Variants in SEPTIN9 observed in about 807,000 individuals in gnomAD.
SEPTIN9 encodes the protein septin-9.
A neutral mutation model predicts 56.6 loss-of-function variants in SEPTIN9; 13 were observed. The ratio of observed to expected loss-of-function variants is 0.23; its 90% CI spans 0.15 to 0.37. The LOEUF (loss-of-function observed/expected upper bound fraction) is 0.37, where lower values mean the gene tolerates loss of function less well. Among genes scored for constraint, SEPTIN9 ranks in the 10% least tolerant of loss-of-function variants. SEPTIN9 has a pLI of 1.00. For synonymous variants in SEPTIN9, 332 were observed against 334.1 expected, an observed-to-expected ratio of 0.99 and a Z score of 0.07; for missense variants, 650 against 823.1, an observed-to-expected ratio of 0.79 and a Z score of 2.57.
At position 77,425,750 on chromosome 17, in the gene SEPTIN9, C is replaced by A. The variant is rs1037350531; in HGVS notation, c.721+23047C>A. 2.0e-5 allele frequency among the ~76,000 whole-genome samples: 3 copies of A among 149,876 alleles called. No individual in the cohort carries two copies. The highest frequency in any genetic ancestry group is 4.9e-5 in the African/African-American group (2 of 40,630). On this transcript the variant is annotated intron_variant, in intron 3 of 11. Coordinates refer to ENST00000427177, the MANE Select transcript of SEPTIN9 (RefSeq NM_001113491.2). The surrounding 1 kb of genome is among the most constrained non-coding windows in gnomAD (Gnocchi z 4.2). ...GAGGAAGCTGCCCCCCGCTCATCTACCCCCCAACCCTCCCAGCCAGCAGAG... is the reference window on the plus strand; with the variant it reads ...GAGGAAGCTGCCCCCCGCTCATCTAACCCCCAACCCTCCCAGCCAGCAGAG...
intron 3 of SEPTIN9, among the ~76,000 whole-genome samples, chr17:77,464,304 CT>C (rs1347824606): frequency 6.6e-6 from 1 of 152,162 alleles, no homozygotes; most frequent in East Asian, 1.9e-4. Flanking sequence ...TCTCGAACCC[CT>C]GACCTCAAAT....
chr17:77,300,773 GC>G (rs1346283921), intron 1 of SEPTIN9, among the ~76,000 whole-genome samples: 1 of 65,034 alleles, frequency 1.5e-5, no homozygotes, highest in Admixed American at 2.5e-4. Context: ...GGCTCAAAGC[GC>G]CCCCATCCCA....
intron 2 of SEPTIN9, among the ~76,000 whole-genome samples, chr17:77,390,708 C>T (rs530096396): frequency 6.6e-6 from 1 of 152,260 alleles, no homozygotes; most frequent in Admixed American, 6.5e-5. Flanking sequence ...GCCTCTGCCT[C>T]CCAAAGTGCT....
intron 4 of SEPTIN9, among the ~76,000 whole-genome samples, chr17:77,485,319 G>A (rs1400205767): frequency 1.6e-5 from 2 of 126,966 alleles, no homozygotes; most frequent in Non-Finnish European, 3.4e-5. Context: ...TAGTGGTGGT[G>A]ATAGTGATGG....
chr17:77,410,834 G>C (rs192630587), intron 3 of SEPTIN9, among the ~76,000 whole-genome samples: 3 of 152,100 alleles, frequency 2.0e-5, no homozygotes, highest in Admixed American at 6.6e-5. Context: ...GTGTCGCCCC[G>C]TGTCTCTCTC....
rs1161914513 is a variant in SEPTIN9 at position 77,313,719 on chromosome 17, G to C, written c.76+6522G>C. ...TCTGAGGATGAGCAGGAAATGAATG[G>C]AAAAGTCTTTTTTTTTTCTTTTTTC... is the stretch of plus-strand genomic sequence containing the variant. On this transcript the variant is annotated intron_variant, in intron 2 of 11. Coordinates refer to ENST00000427177, the MANE Select transcript of SEPTIN9 (RefSeq NM_001113491.2). This position sits in a 1 kb window ranked among gnomAD's most constrained non-coding sequence, Gnocchi z 4.5. Among the ~76,000 whole-genome samples, 2 of 152,104 alleles carry C rather than the reference G, an allele frequency of 1.3e-5. No homozygotes were observed. The highest frequency in any genetic ancestry group is 2.4e-5 in the African/African-American group (1 of 41,402).
In SEPTIN9 at chr17:77,323,620, CG is replaced by C. The variant is rs754004787; in HGVS notation, c.76+16427del. ...ACAGGGTAAAGCCCAGCTCCTCTTA[CG>C]GGGTTCCTGGGTCATCAGTGGGCGG... On this transcript the variant is annotated intron_variant, in intron 2 of 11. Transcript: ENST00000427177. The surrounding 1 kb of genome is among the most constrained non-coding windows in gnomAD (Gnocchi z 6.8). 1 of 152,424 alleles carries C rather than the reference CG, an allele frequency of 6.6e-6. No homozygotes were observed. The highest frequency in any genetic ancestry group is 1.5e-5 in the Non-Finnish European group (1 of 68,230). The allele number at this position is 152,424 out of a possible 1,614,324, so 9.4% of individuals were successfully genotyped here.
chr17:77,373,137 C>A, intron 2 of SEPTIN9: 1 of 975,332 alleles, frequency 1.0e-6, no homozygotes, highest in Non-Finnish European at 1.2e-6. Context: ...AGGAGGGGGG[C>A]GCTCCGGTCG....
At chr17:77,324,184 C>T (rs374125858) in intron 2 of SEPTIN9, among the ~76,000 whole-genome samples, 2 of 152,220 alleles carry the variant, frequency 1.3e-5, no homozygotes, top group Admixed American at 6.5e-5. Context: ...CAGTCTTTCT[C>T]GGATTTAGGG....
chr17:77,364,059 T>A (rs2034498545), intron 2 of SEPTIN9, among the ~76,000 whole-genome samples: 1 of 152,194 alleles, frequency 6.6e-6, no homozygotes, highest in Admixed American at 6.5e-5. Context: ...TGAGGTCACT[T>A]CACAGGAGGG....
intron 3 of SEPTIN9, among the ~76,000 whole-genome samples, chr17:77,481,241 C>T (rs1338236201): frequency 6.6e-6 from 1 of 152,242 alleles, no homozygotes; most frequent in East Asian, 1.9e-4. Flanking sequence ...GACCTACAGA[C>T]AGAAGAGGCT....
intron 2 of SEPTIN9, among the ~76,000 whole-genome samples, chr17:77,382,773 C>T (rs1289041851): frequency 1.3e-5 from 2 of 152,176 alleles, no homozygotes; most frequent in African/African-American, 2.4e-5. Flanking sequence ...GGAGGAGATC[C>T]TTCATTCGCA....
At position 77,429,115 on chromosome 17, in the gene SEPTIN9, G is replaced by T. The variant is rs1375741995; in HGVS notation, c.721+26412G>T. 4.2e-6 allele frequency: 2 copies of T among 471,664 alleles called. No individual in the cohort carries two copies. Among genetic ancestry groups the T allele is most frequent in the East Asian group, 1.4e-4 (2 of 14,398 alleles). The allele number at this position is 471,664 out of a possible 1,614,324, so 29.2% of individuals were successfully genotyped here. Reference sequence around the variant, plus strand: ...CCCAGCTCCGTGTCCTCCGGTGTGTGTGAGGCCAAGCTCCTGGGGTGGGGA... The same window carrying T: ...CCCAGCTCCGTGTCCTCCGGTGTGTTTGAGGCCAAGCTCCTGGGGTGGGGA... On this transcript the variant is annotated intron_variant, in intron 3 of 11. Transcript: ENST00000427177. This position sits in a 1 kb window ranked among gnomAD's most constrained non-coding sequence, Gnocchi z 5.2.
chr17:77,453,235 G>A lies in SEPTIN9; in HGVS notation c.722-28909G>A, dbSNP rs1361910711. Among the ~76,000 whole-genome samples, 1 of 152,108 alleles carries A rather than the reference G, an allele frequency of 6.6e-6. No individual in the cohort carries two copies. Among genetic ancestry groups the A allele is most frequent in the Non-Finnish European group, 1.5e-5 (1 of 68,024 alleles). ...ATGCGACTTCTGCCCTGAGAGCCCT[G>A]CTTTAATGGAAGGCGGGGGCATAGT... On this transcript the variant is annotated intron_variant, in intron 3 of 11. Transcript: ENST00000427177. This position sits in a 1 kb window ranked among gnomAD's most constrained non-coding sequence, Gnocchi z 4.4.
intron 3 of SEPTIN9, among the ~76,000 whole-genome samples, chr17:77,422,623 C>G (rs114476091): frequency 6.6e-6 from 1 of 152,152 alleles, no homozygotes; most frequent in African/African-American, 2.4e-5. Flanking sequence ...GGGCTGGTCC[C>G]GGGGAGCCGG....
At chr17:77,353,500 C>T (rs544283485) in intron 2 of SEPTIN9, among the ~76,000 whole-genome samples, 52 of 152,232 alleles carry the variant, frequency 3.4e-4, no homozygotes, top group Non-Finnish European at 5.6e-4. Flanking sequence ...AGCATTCAAG[C>T]AGGGGCCATG....
chr17:77,444,183 G>A (rs889812072), intron 3 of SEPTIN9, among the ~76,000 whole-genome samples: 1 of 152,194 alleles, frequency 6.6e-6, no homozygotes, highest in Non-Finnish European at 1.5e-5. Flanking sequence ...AAAATGAGTT[G>A]GCCAGATTGC....
chr17:77,289,300 T>C (rs2143503414), intron 1 of SEPTIN9, among the ~76,000 whole-genome samples: 1 of 151,946 alleles, frequency 6.6e-6, no homozygotes, highest in South Asian at 2.1e-4. Flanking sequence ...TTTCGCCATG[T>C]TGGCCGGGTT....
At position 77,310,760 on chromosome 17, in the gene SEPTIN9, C is replaced by T. The variant is rs914731147; in HGVS notation, c.76+3563C>T. Among the ~76,000 whole-genome samples the T allele has an allele frequency of 4.6e-5, 7 of 152,132 alleles. No homozygotes were observed. The highest frequency in any genetic ancestry group is 1.3e-4 in the Admixed American group (2 of 15,278). ...CAGCGGACTTTTGCCCTGTTTCCCA[C>T]GGTGCACGGAGCATTTCATCTCAGT... On this transcript the variant is annotated intron_variant, in intron 2 of 11. Coordinates refer to ENST00000427177, the MANE Select transcript of SEPTIN9 (RefSeq NM_001113491.2). The surrounding 1 kb of genome is among the most constrained non-coding windows in gnomAD (Gnocchi z 4.7).
Sources: allele counts gnomAD v4.1 joint callset (sites outside exome capture counted in the v4.1 genomes callset), GRCh38; gene constraint gnomAD v4.1.1; non-coding constraint Gnocchi (gnomAD v3.1); transcripts MANE v1.5; gene names NCBI Gene and HGNC (gene_info 2026-07-23, HGNC 2026-07-21).